The following PLAC8 variants were observed in gnomAD, a reference collection of about 807,000 sequenced individuals.
PLAC8 encodes placenta-specific gene 8 protein.
In PLAC8, 6 loss-of-function variants were observed where a neutral mutation model predicts 12.6. That is an observed-to-expected ratio of 0.48 (90% CI 0.26 to 0.94). The LOEUF is 0.94. Ranked by LOEUF, PLAC8 falls within the 40% of genes least tolerant of loss-of-function variation. The pLI, the probability that PLAC8 is intolerant of heterozygous loss-of-function variation, is 0.14. For missense variants in PLAC8, 122 were observed against 152.7 expected (o/e 0.80, Z 1.06); for synonymous variants, 54 against 52.6 (o/e 1.03, Z -0.11).
intron 1 of PLAC8, among the ~76,000 whole-genome samples, chr4:83,110,627 T>TG (rs1732403077): frequency 6.6e-6 from 1 of 152,178 alleles, no homozygotes; most frequent in Non-Finnish European, 1.5e-5. Flanking sequence ...CCATGCGTGA[T>TG]GCAGGCTCCA....
At chr4:83,111,972 C>A (rs956267390) in intron 1 of PLAC8, among the ~76,000 whole-genome samples, 1 of 151,878 alleles carries the variant, frequency 6.6e-6, no homozygotes, top group Non-Finnish European at 1.5e-5. Flanking sequence ...GTCGGGAGTT[C>A]GAGACCAACC....
chr4:83,099,900 G>C (rs2126141145), intron 3 of PLAC8, among the ~76,000 whole-genome samples: 1 of 151,872 alleles, frequency 6.6e-6, no homozygotes, highest in East Asian at 1.9e-4. Flanking sequence ...CAGCTACTCA[G>C]GAGGCTGAGG....
intron 1 of PLAC8, chr4:83,109,820 C>T (rs1732362642): frequency 6.6e-6 from 1 of 152,550 alleles, no homozygotes; most frequent in South Asian, 2.1e-4. Flanking sequence ...GATTACGCCT[C>T]CCGCCAGCCC....
At chr4:83,110,453 G>GT (rs1225965970) in intron 1 of PLAC8, among the ~76,000 whole-genome samples, 3 of 152,196 alleles carry the variant, frequency 2.0e-5, no homozygotes, top group Non-Finnish European at 4.4e-5. Context: ...TTTGGGAAAA[G>GT]TAAGTCCCAA....
chr4:83,103,502 A>G (rs1370479143), intron 3 of PLAC8, among the ~76,000 whole-genome samples: 5 of 152,246 alleles, frequency 3.3e-5, no homozygotes, highest in Non-Finnish European at 7.3e-5. Context: ...AGAATATTCC[A>G]TAAGCTTAGT....
intron 3 of PLAC8, among the ~76,000 whole-genome samples, chr4:83,101,164 G>A (rs945479813): frequency 6.6e-6 from 1 of 152,132 alleles, no homozygotes; most frequent in Non-Finnish European, 1.5e-5. Context: ...CAGATCACGA[G>A]GTCAGGAGAT....
At chr4:83,099,305 C>T (rs1732024425) in intron 3 of PLAC8, among the ~76,000 whole-genome samples, 1 of 151,764 alleles carries the variant, frequency 6.6e-6, no homozygotes. Flanking sequence ...TCTTGGCTCA[C>T]TGCATTTACA....
intron 4 of PLAC8, among the ~76,000 whole-genome samples, chr4:83,091,745 A>G (rs969066491): frequency 3.3e-5 from 5 of 152,294 alleles, no homozygotes; most frequent in Non-Finnish European, 7.3e-5. Flanking sequence ...GGAGTTCCAT[A>G]TGGGAGATGT....
chr4:83,104,946 C>T lies in PLAC8; in HGVS notation c.193G>A (p.Gly65Arg). 1 of 1,614,112 alleles carries T rather than the reference C, an allele frequency of 6.2e-7. No individual in the cohort carries two copies. Among genetic ancestry groups the T allele is most frequent in the Non-Finnish European group, 8.5e-7 (1 of 1,180,006 alleles). Residue 65 changes from glycine to arginine, a missense_variant, in exon 3 of 5, where the codon GGA becomes AGA. Coordinates refer to ENST00000311507, the MANE Select transcript of PLAC8 (RefSeq NM_016619.3). ...AADMNECCLC[G>R]TSVAMRTLYR... is the part of the protein sequence containing the mutation. ...AGAGTCCTCATTGCGACGCTTGTTC[C>T]ACACAGACAGCATTCATTCATATCA... is the stretch of plus-strand genomic sequence containing the variant.
At chr4:83,105,794 G>C (rs1285549658) in intron 2 of PLAC8, among the ~76,000 whole-genome samples, 1 of 152,054 alleles carries the variant, frequency 6.6e-6, no homozygotes, top group African/African-American at 2.4e-5. Flanking sequence ...TAATACTAGG[G>C]GTGAGAGGGT....
intron 3 of PLAC8, among the ~76,000 whole-genome samples, chr4:83,101,975 T>C (rs916721682): frequency 6.6e-6 from 1 of 152,256 alleles, no homozygotes; most frequent in Non-Finnish European, 1.5e-5. Context: ...AAAATATTAC[T>C]GTTCACTAAC....
rs115976217 is a variant in PLAC8, at chr4:83,110,511, G to A, written c.-29-2561C>T. On this transcript the variant is annotated intron_variant, in intron 1 of 4. Coordinates refer to ENST00000311507, the MANE Select transcript of PLAC8 (RefSeq NM_016619.3). ...TCCACAAAGGCAGGGGATTTTGTGGGCCAAGTTCACTGAGGTGTCTCAAAA... is the reference window on the plus strand; with the variant it reads ...TCCACAAAGGCAGGGGATTTTGTGGACCAAGTTCACTGAGGTGTCTCAAAA... Among the ~76,000 whole-genome samples, 569 of 152,330 alleles carry A rather than the reference G, an allele frequency of 3.7e-3. 4 individuals are homozygous for A. Among genetic ancestry groups the A allele is most frequent in the African/African-American group, 0.013 (533 of 41,586 alleles).
intron 3 of PLAC8, 118 bp downstream of exon 3, chr4:83,104,778 C>T: frequency 1.8e-6 from 2 of 1,098,780 alleles, no homozygotes; most frequent in Admixed American, 1.8e-5. Context: ...ATTGCACATG[C>T]TAGGGAACTC....
chr4:83,103,125 G>T (rs914707539), intron 3 of PLAC8, among the ~76,000 whole-genome samples: 2 of 149,218 alleles, frequency 1.3e-5, no homozygotes, highest in African/African-American at 2.5e-5. Flanking sequence ...GGCTGGGCGC[G>T]GTGGCTTCTG....
chr4:83,105,518 ATC>A (rs1732213205), intron 2 of PLAC8, among the ~76,000 whole-genome samples: 1 of 152,246 alleles, frequency 6.6e-6, no homozygotes, highest in Non-Finnish European at 1.5e-5. Context: ...CTTCGAGGTA[ATC>A]TGGCATATCC....
At position 83,090,834 on chromosome 4, in the gene PLAC8, T is replaced by C. The variant is rs1275729236; in HGVS notation, c.*147A>G. On this transcript the variant is annotated 3_prime_UTR_variant, in exon 5 of 5. Transcript: ENST00000311507. ...GTTCAGGGACAACATTCATTTATAATAAATCAAAAATTTGATTTTTTTCAT... is the reference window on the plus strand; with the variant it reads ...GTTCAGGGACAACATTCATTTATAACAAATCAAAAATTTGATTTTTTTCAT... 1 of 152,146 alleles carries C rather than the reference T, an allele frequency of 6.6e-6. No individual in the cohort carries two copies. The highest frequency in any genetic ancestry group is 1.5e-5 in the Non-Finnish European group (1 of 68,034). The allele number at this position is 152,146 out of a possible 1,614,324, so 9.4% of individuals were successfully genotyped here. A position where few individuals can be genotyped will look rare whatever the true frequency, so the allele number is the denominator to read the frequency against.
chr4:83,100,374 T>C (rs1217321577), intron 3 of PLAC8, among the ~76,000 whole-genome samples: 1 of 152,072 alleles, frequency 6.6e-6, no homozygotes, highest in Non-Finnish European at 1.5e-5. Flanking sequence ...TCTGCCATAA[T>C]TGTAAGCTTC....
intron 4 of PLAC8, 25 bp downstream of exon 4, chr4:83,094,653 G>A (rs1252064955): frequency 3.4e-6 from 4 of 1,191,766 alleles, no homozygotes; most frequent in South Asian, 2.6e-5. Context: ...CACATGTTCT[G>A]AGAGGCATGT....
chr4:83,101,599 T>C (rs1322679009), intron 3 of PLAC8, among the ~76,000 whole-genome samples: 1 of 152,138 alleles, frequency 6.6e-6, no homozygotes, highest in African/African-American at 2.4e-5. Flanking sequence ...AGATTTTCAA[T>C]GAAAATGAAA....
Sources: gnomAD v4.1 joint callset for allele counts (sites outside exome capture counted in the v4.1 genomes callset) on GRCh38, gnomAD v4.1.1 for gene constraint, MANE v1.5 for transcripts, NCBI Gene and HGNC (gene_info 2026-07-23, HGNC 2026-07-21) for gene names.